UNKL: variants seen among roughly 807,000 people sequenced by gnomAD.
UNKL encodes the protein putative E3 ubiquitin-protein ligase UNKL.
In UNKL, 60 loss-of-function variants were observed where a neutral mutation model predicts 78.0. The ratio of observed to expected loss-of-function variants is 0.77; its 90% confidence interval spans 0.63 to 0.95. The LOEUF (loss-of-function observed/expected upper bound fraction) is 0.95. Ranked by LOEUF, UNKL falls within the 40% of genes least tolerant of loss-of-function variation. UNKL has a pLI of 0.00. For synonymous variants in UNKL, 608 were observed against 474.8 expected, an observed-to-expected ratio of 1.28 and a Z score of -3.65; for missense variants, 1,159 against 1,045.7, an observed-to-expected ratio of 1.11 and a Z score of -1.49.
At chr16:1,375,458 C>T (rs538141932) in intron 10 of UNKL, among the ~76,000 whole-genome samples, 1 of 152,308 alleles carries the variant, frequency 6.6e-6, no homozygotes, top group Non-Finnish European at 1.5e-5. Flanking sequence ...GCGTGGAGGC[C>T]GGGCTGTGGC....
At chr16:1,366,436 C>A in intron 14 of UNKL, 41 bp from the exon 15 acceptor site, 1 of 1,513,408 alleles carries the variant, frequency 6.6e-7, no homozygotes, top group South Asian at 1.3e-5. Flanking sequence ...AGGCCCCTGC[C>A]CAGGCTGGGC....
At chr16:1,374,678 C>A (rs1157797182) in intron 10 of UNKL, among the ~76,000 whole-genome samples, 1 of 152,160 alleles carries the variant, frequency 6.6e-6, no homozygotes, top group African/African-American at 2.4e-5. Context: ...CCCCACAACC[C>A]ACCCCACCCA....
In UNKL at chr16:1,367,799, G is replaced by C; in HGVS notation, c.1645C>G (p.Pro549Ala). The C allele has an allele frequency of 1.9e-6, 3 of 1,575,514 alleles. No individual in the cohort carries two copies. The highest frequency in any genetic ancestry group is 2.6e-6 in the Non-Finnish European group (3 of 1,161,324). Reference sequence around the variant, plus strand: ...GGGCCGGCACTCAGGATGGGGGAGGGGCTGGGGGAGAAGCTGCCGGAAACA... The same window carrying C: ...GGGCCGGCACTCAGGATGGGGGAGGCGCTGGGGGAGAAGCTGCCGGAAACA... ...DFVSGSFSPSPSPILSAGPPS... is the reference protein window; with the variant it reads ...DFVSGSFSPSASPILSAGPPS... The change falls in exon 13 of 15, where the codon CCC becomes GCC. Residue 549 changes from proline (P) to alanine (A), a missense_variant. Physicochemically the swap from Pro to Ala is conservative, Grantham distance 27. Transcript: ENST00000389221.
chr16:1,367,573 CTCCCATCTCA>C, intron 13 of UNKL, 73 bp downstream of exon 13: 5 of 759,686 alleles, frequency 6.6e-6, no homozygotes, highest in South Asian at 5.5e-5. Context: ...CCTCCCTCCC[CTCCCATCTCA>C]CCCCCACACG....
At chr16:1,405,939 A>G (rs2037738085) in intron 2 of UNKL, 1 of 456,572 alleles carries the variant, frequency 2.2e-6, no homozygotes, top group South Asian at 1.5e-5. Flanking sequence ...GACCCCCTTA[A>G]CACATTCTCG....
At chr16:1,368,054 G>A (rs1045678554) in intron 12 of UNKL, 196 bp from the exon 13 acceptor site, 12 of 600,250 alleles carry the variant, frequency 2.0e-5, no homozygotes, top group Non-Finnish European at 3.3e-5. Flanking sequence ...GGCGCTGACA[G>A]TGACACCTGC....
intron 2 of UNKL, chr16:1,406,037 T>G (rs1377207954): frequency 4.4e-6 from 2 of 456,628 alleles, no homozygotes; most frequent in African/African-American, 4.0e-5. Flanking sequence ...CCCGTGGATC[T>G]GCACTGCCGG....
intron 10 of UNKL, chr16:1,379,778 T>TC: frequency 1.2e-6 from 1 of 802,218 alleles, no homozygotes; most frequent in Non-Finnish European, 1.5e-6. Flanking sequence ...CGCGCTGCCC[T>TC]CCCCCAACCT....
chr16:1,375,100 G>A (rs2036116687), intron 10 of UNKL, among the ~76,000 whole-genome samples: 1 of 152,122 alleles, frequency 6.6e-6, no homozygotes, highest in African/African-American at 2.4e-5. Context: ...CCTCGCCCGA[G>A]GCCTGGCGCT....
At chr16:1,383,066 T>C (rs535600019) in intron 10 of UNKL, among the ~76,000 whole-genome samples, 1 of 140,432 alleles carries the variant, frequency 7.1e-6, no homozygotes, top group Non-Finnish European at 1.5e-5. Context: ...AAGACCAGGC[T>C]GGCCAATATG....
Position 1,365,938 on chromosome 16 carries a change from G to A in UNKL, c.*302C>T. 3.6e-6 allele frequency: 1 copy of A among 279,386 alleles called. No individual in the cohort carries two copies. Among genetic ancestry groups the A allele is most frequent in the Non-Finnish European group, 6.7e-6 (1 of 148,526 alleles). 17.3% of individuals were successfully genotyped at this position (279,386 alleles called of 1,614,324 possible). A position where few individuals can be genotyped will look rare whatever the true frequency, so the allele number is the denominator to read the frequency against. On this transcript the variant is annotated 3_prime_UTR_variant, in exon 15 of 15. Coordinates refer to ENST00000389221, the MANE Select transcript of UNKL (RefSeq NM_001372107.1). Reference sequence around the variant, plus strand: ...AACTGCTGTGATCACAGCGCCGCGTGGATCCCGGAGGCACCAGGCCCCTCA... The same window carrying A: ...AACTGCTGTGATCACAGCGCCGCGTAGATCCCGGAGGCACCAGGCCCCTCA...
Position 1,401,669 on chromosome 16 carries a change from C to T in UNKL, c.497G>A (p.Gly166Asp). The stretch of plus-strand genomic sequence containing the variant: ...GACCCCTTCCCCGCCGCCCAGCTGG[C>T]CGTTCTGCAAGGCTTCCTGGGCCTG... The part of the protein sequence containing the change: ...ELQAQEALQN[G>D]QLGGGEGVPD... Residue 166 changes from glycine to aspartate, a missense_variant, in exon 4 of 15, where the codon GGC becomes GAC. Coordinates refer to ENST00000389221, the MANE Select transcript of UNKL (RefSeq NM_001372107.1). 1.2e-6 allele frequency: 2 copies of T among 1,611,914 alleles called. No individual in the cohort carries two copies. Among genetic ancestry groups the T allele is most frequent in the South Asian group, 1.1e-5 (1 of 90,984 alleles).
Position 1,365,025 on chromosome 16 carries a change from GCT to G in UNKL, c.*1213_*1214del, listed in dbSNP as rs2035129268. 1 of 145,028 alleles carries G rather than the reference GCT, an allele frequency of 6.9e-6. No homozygotes were observed. Among genetic ancestry groups the G allele is most frequent in the Non-Finnish European group, 1.5e-5 (1 of 67,194 alleles). 9.0% of individuals were successfully genotyped at this position (145,028 alleles called of 1,614,324 possible). A position where few individuals can be genotyped will look rare whatever the true frequency, so the allele number is the denominator to read the frequency against. ...TTTTTTTTTTTTGAGCCAGAGTCTCGCTCTGTCACCCGGGCTGGAGTGCGGTG... is the reference window on the plus strand; with the variant it reads ...TTTTTTTTTTTTGAGCCAGAGTCTCGCTGTCACCCGGGCTGGAGTGCGGTG... On this transcript the variant is annotated 3_prime_UTR_variant, in exon 15 of 15. Coordinates refer to ENST00000389221, the MANE Select transcript of UNKL (RefSeq NM_001372107.1).
chr16:1,392,942 G>C lies in UNKL; in HGVS notation c.972C>G (p.His324Gln), dbSNP rs537172956. The change falls in exon 8 of 15, where the codon CAC becomes CAG. Residue 324 changes from histidine (H) to glutamine (Q), a missense_variant. Transcript: ENST00000389221. ...AGGAAGGACTCGTGAGGTGGAGGTC[G>C]TGACAGCCCCATTCATTCACCATCC... ...SLGMVNEWGC[H>Q]DLHLTSPSST... is the part of the protein sequence containing the mutation. 7.7e-6 allele frequency: 12 copies of C among 1,550,572 alleles called. No individual in the cohort carries two copies. The highest frequency in any genetic ancestry group is 9.6e-6 in the Non-Finnish European group (11 of 1,147,002).
Position 1,405,611 on chromosome 16 carries a change from A to C in UNKL, c.288-2267T>G, listed in dbSNP as rs1275218371. Among the ~76,000 whole-genome samples, 5 of 152,100 alleles carry C rather than the reference A, an allele frequency of 3.3e-5. No homozygotes were observed. The South Asian group carries it at 6.2e-4, about 19-fold the overall frequency. Reference sequence around the variant, plus strand: ...AAAGAAACTGGAAAAAGTTTTAAGAAAATGCCTTACTCTTACGGACACCTA... The same window carrying C: ...AAAGAAACTGGAAAAAGTTTTAAGACAATGCCTTACTCTTACGGACACCTA... On this transcript the variant is annotated intron_variant, in intron 2 of 14. Coordinates refer to ENST00000389221, the MANE Select transcript of UNKL (RefSeq NM_001372107.1).
At chr16:1,374,311 C>T (rs2036048093) in intron 10 of UNKL, among the ~76,000 whole-genome samples, 1 of 152,200 alleles carries the variant, frequency 6.6e-6, no homozygotes, top group Admixed American at 6.5e-5. Flanking sequence ...CCCTGTCGTC[C>T]CTGCTGGCTG....
In UNKL at chr16:1,407,108, C is replaced by T. The variant is rs191990020; in HGVS notation, c.288-3764G>A. ...ATGCTGCAGTGAGCCGAGATCGTGT[C>T]ACTGCACTCCAGCCTGGGTGACAGA... On this transcript the variant is annotated intron_variant, in intron 2 of 14. Transcript: ENST00000389221. Among the ~76,000 whole-genome samples, 10 of 150,470 alleles carry T rather than the reference C, an allele frequency of 6.6e-5. No individual in the cohort carries two copies. The East Asian group carries it at 2.0e-3, about 29-fold the overall frequency.
rs1364654903 is a variant in UNKL, at chr16:1,403,025, CAGAA to C, written c.464+139_464+142del. The C allele has an allele frequency of 6.3e-6, 7 of 1,112,864 alleles. No individual in the cohort carries two copies. In the African/African-American group the frequency reaches 7.9e-5, roughly 13 times the overall value. The allele number at this position is 1,112,864 out of a possible 1,614,324, so 68.9% of individuals were successfully genotyped here. On this transcript the variant is annotated intron_variant, in intron 3 of 14. Transcript: ENST00000389221. The surrounding 1 kb of genome is among the most constrained non-coding windows in gnomAD (Gnocchi z 4.8). ...CAAAAAAAGGACTAACATCCAGACT[CAGAA>C]AGAAATTCTGGAGGAGAGAGATTTG...
At chr16:1,380,625 G>GA (rs71299910) in intron 10 of UNKL, among the ~76,000 whole-genome samples, 107,556 of 132,992 alleles carry the variant, frequency 0.81, 43,513 homozygotes, top group East Asian at 0.99. Flanking sequence ...TGTCGATCCT[G>GA]AAAAAAAAAA....
Sources: allele counts gnomAD v4.1 joint callset (sites outside exome capture counted in the v4.1 genomes callset), GRCh38; gene constraint gnomAD v4.1.1; non-coding constraint Gnocchi (gnomAD v3.1); transcripts MANE v1.5; gene names NCBI Gene and HGNC (gene_info 2026-07-23, HGNC 2026-07-21).